The following PANK4 variants were observed in gnomAD, a reference collection of about 807,000 sequenced individuals.
PANK4 encodes the protein pantothenate kinase 4 (inactive).
A neutral mutation model predicts 87.9 loss-of-function variants in PANK4; 40 were observed. The observed-to-expected ratio is 0.46, with a 90% CI of 0.35 to 0.59. The LOEUF is 0.59. Ranked by LOEUF, PANK4 falls within the 20% of genes least tolerant of loss-of-function variation. The pLI, the probability that PANK4 is intolerant of heterozygous loss-of-function variation, is 0.00. For synonymous variants in PANK4, 524 were observed against 467.4 expected, an observed-to-expected ratio of 1.12 and a Z score of -1.56; for missense variants, 926 against 1,072.3, an observed-to-expected ratio of 0.86 and a Z score of 1.90.
rs1328738798 is a variant in PANK4 at position 2,519,701 on chromosome 1, G to T, written c.853+100C>A. 35 of 1,247,948 alleles carry T rather than the reference G, an allele frequency of 2.8e-5. No homozygotes were observed. The highest frequency in any genetic ancestry group is 3.8e-5 in the Non-Finnish European group (35 of 916,540). 77.3% of individuals were successfully genotyped at this position (1,247,948 alleles called of 1,614,324 possible). A position where few individuals can be genotyped will look rare whatever the true frequency, so the allele number is the denominator to read the frequency against. Reference sequence around the variant, plus strand: ...ACACCCAAGACCCCGACTCTCCAGGGAGCAGTTGTGGGAAAGCAATGGTGG... The same window carrying T: ...ACACCCAAGACCCCGACTCTCCAGGTAGCAGTTGTGGGAAAGCAATGGTGG... On this transcript the variant is annotated intron_variant, in intron 6 of 18. Transcript: ENST00000378466. This position sits in a 1 kb window ranked among gnomAD's most constrained non-coding sequence, Gnocchi z 8.3.
In PANK4 at chr1:2,508,612, T is replaced by A. The variant is rs201823690; in HGVS notation, c.*235A>T. ...GACATACCTGTATAGATCTCTCTAT[T>A]TATATATATATATATATAAAAGGTT... On this transcript the variant is annotated 3_prime_UTR_variant, in exon 19 of 19. Transcript: ENST00000378466. The surrounding 1 kb of genome is among the most constrained non-coding windows in gnomAD (Gnocchi z 5.1). 7 of 230,930 alleles carry A rather than the reference T, an allele frequency of 3.0e-5. No homozygotes were observed. The highest frequency in any genetic ancestry group is 4.8e-5 in the Non-Finnish European group (6 of 126,290). 14.3% of individuals were successfully genotyped at this position (230,930 alleles called of 1,614,324 possible).
At chr1:2,523,568 A>G (rs1022993348) in intron 1 of PANK4, among the ~76,000 whole-genome samples, 33 of 150,680 alleles carry the variant, frequency 2.2e-4, no homozygotes, top group Non-Finnish European at 3.1e-4. Flanking sequence ...CCCAAACAGG[A>G]TGTACTGGGG....
chr1:2,509,909 CCT>C lies in PANK4; in HGVS notation c.2059_2060del (p.Arg687AlafsTer20). The C allele has an allele frequency of 6.2e-7, 1 of 1,612,416 alleles. No individual in the cohort carries two copies. The highest frequency in any genetic ancestry group is 8.5e-7 in the Non-Finnish European group (1 of 1,179,844). On this transcript the variant is annotated frameshift_variant, in exon 18 of 19. Coordinates refer to ENST00000378466, the MANE Select transcript of PANK4 (RefSeq NM_018216.4). LOFTEE classifies it high-confidence loss of function. This position sits in a 1 kb window ranked among gnomAD's most constrained non-coding sequence, Gnocchi z 4.9. The stretch of plus-strand genomic sequence containing the variant: ...TGGAGCCCGTCTGCACCAGCAGCAG[CCT>C]CTCTTCCTGGAGCGCAGAGCTGCCA... ...PVVHSALQEERLLLVQTGSSS... is the reference protein window; with the variant it reads ...PVVHSALQEEXLLLVQTGSSS...
At position 2,515,392 on chromosome 1, in the gene PANK4, G is replaced by C. The variant is rs1410781451; in HGVS notation, c.1374+170C>G. The C allele has an allele frequency of 2.7e-6, 2 of 745,732 alleles. No individual in the cohort carries two copies. The highest frequency in any genetic ancestry group is 4.7e-6 in the Non-Finnish European group (2 of 424,416). 46.2% of individuals were successfully genotyped at this position (745,732 alleles called of 1,614,324 possible). On this transcript the variant is annotated intron_variant, in intron 10 of 18. Coordinates refer to ENST00000378466, the MANE Select transcript of PANK4 (RefSeq NM_018216.4). The surrounding 1 kb of genome is among the most constrained non-coding windows in gnomAD (Gnocchi z 5.0). ...CTGACCCACCAGGTGGCCAGGAGCG[G>C]TATTTTTGCCTGAGAAACCAAAATC...
At position 2,521,773 on chromosome 1, in the gene PANK4, T is replaced by G. The variant is rs1324592558; in HGVS notation, c.152A>C (p.Tyr51Ser). Reference sequence around the variant, plus strand: ...GGCGACTTTGTGCTGTACCGTTGAATAGTAGGCCAGCTTGGTTAACGACCC... The same window carrying G: ...GGCGACTTTGTGCTGTACCGTTGAAGAGTAGGCCAGCTTGGTTAACGACCC... Reference protein sequence around the residue: ...IGGSLTKLAYYSTVQHKVAKV... With the variant: ...IGGSLTKLAYSSTVQHKVAKV... Residue 51 changes from tyrosine (Y) to serine (S), a missense_variant, in exon 2 of 19, where the codon TAT becomes TCT. Physicochemically the swap from Tyr to Ser is moderately radical, Grantham distance 144 (BLOSUM62 -2). Transcript: ENST00000378466. The G allele has an allele frequency of 6.2e-7, 1 of 1,613,958 alleles. No individual in the cohort carries two copies. Among genetic ancestry groups the G allele is most frequent in the Non-Finnish European group, 8.5e-7 (1 of 1,179,964 alleles).
chr1:2,522,848 C>T (rs1461270710), intron 1 of PANK4, among the ~76,000 whole-genome samples: 2 of 147,580 alleles, frequency 1.4e-5, no homozygotes, highest in African/African-American at 2.5e-5. Context: ...CGGAGGGGAC[C>T]GTGTGGTGCT....
Position 2,510,031 on chromosome 1 carries a change from CCCCAGCACTGCCCG to C in PANK4, c.2039+12_2039+25del, listed in dbSNP as rs1643633729. The C allele has an allele frequency of 6.3e-7, 1 of 1,588,884 alleles. No homozygotes were observed. The highest frequency in any genetic ancestry group is 2.3e-5 in the East Asian group (1 of 44,074). On this transcript the variant is annotated intron_variant, in intron 17 of 18. Transcript: ENST00000378466. This position sits in a 1 kb window ranked among gnomAD's most constrained non-coding sequence, Gnocchi z 4.9. ...CTGGTGCCCCTCCCCATCAAGGCCC[CCCCAGCACTGCCCG>C]CCAACACTCACTGCACGACAGGGTC...
intron 13 of PANK4, 43 bp from the exon 14 acceptor site, chr1:2,511,726 A>G: frequency 7.9e-7 from 1 of 1,261,334 alleles, no homozygotes; most frequent in Non-Finnish European, 1.2e-6. Flanking sequence ...AACAGAACAA[A>G]AACCTTCAGC....
At chr1:2,516,699 C>T (rs1251741621) in intron 9 of PANK4, among the ~76,000 whole-genome samples, 2 of 152,192 alleles carry the variant, frequency 1.3e-5, no homozygotes, top group African/African-American at 2.4e-5. Flanking sequence ...AAGCCCATGC[C>T]GGGCAGAAGC....
intron 1 of PANK4, among the ~76,000 whole-genome samples, chr1:2,523,504 C>T (rs1163334185): frequency 6.6e-6 from 1 of 152,224 alleles, no homozygotes; most frequent in Non-Finnish European, 1.5e-5. Context: ...TAAACAAACT[C>T]TCAGGTCACA....
chr1:2,517,267 G>A (rs1426234368), intron 9 of PANK4, among the ~76,000 whole-genome samples: 1 of 152,228 alleles, frequency 6.6e-6, no homozygotes, highest in Non-Finnish European at 1.5e-5. Context: ...GTGCGAGGCC[G>A]TGGCCTGGTG....
intron 12 of PANK4, 98 bp from the exon 13 acceptor site, chr1:2,513,137 G>A (rs1322024520): frequency 2.6e-5 from 35 of 1,359,828 alleles, no homozygotes; most frequent in African/African-American, 4.4e-5. Context: ...ACGCCCCTCA[G>A]GATCGAAGAC....
rs1281640738 is a variant in PANK4, at chr1:2,515,327, G to A, written c.1374+235C>T. ...GTGCTAGCTAGCAGAACTATCAGCT[G>A]CCCTTAGAAGCAACGTGCCTCGCAG... is the stretch of plus-strand genomic sequence containing the variant. On this transcript the variant is annotated intron_variant, in intron 10 of 18. Transcript: ENST00000378466. This position sits in a 1 kb window ranked among gnomAD's most constrained non-coding sequence, Gnocchi z 5.0. The A allele has an allele frequency of 1.4e-6, 1 of 694,844 alleles. No homozygotes were observed. The highest frequency in any genetic ancestry group is 2.7e-5 in the East Asian group (1 of 36,650). The allele number at this position is 694,844 out of a possible 1,614,324, so 43.0% of individuals were successfully genotyped here. A position where few individuals can be genotyped will look rare whatever the true frequency, so the allele number is the denominator to read the frequency against.
chr1:2,526,556 C>T lies in PANK4; in HGVS notation c.32G>A (p.Ser11Asn). 6.2e-7 allele frequency: 1 copy of T among 1,602,880 alleles called. No homozygotes were observed. Among genetic ancestry groups the T allele is most frequent in the Non-Finnish European group, 8.5e-7 (1 of 1,175,312 alleles). ...GCTCTTGTCCAGACTGTCCCCGCTG[C>T]TCCCGCTGCCGCTCGCTCCACACTC... MAECGASGSG[S>N]SGDSLDKSIT... Residue 11 changes from serine (S) to asparagine (N), a missense_variant, in exon 1 of 19, where the codon AGC (serine) becomes AAC (asparagine). Ser to Asn is a conservative substitution (Grantham distance 46, BLOSUM62 1). Transcript: ENST00000378466.
rs1643747966 is a variant in PANK4, at chr1:2,515,313, C to G, written c.1374+249G>C. The G allele has an allele frequency of 1.5e-6, 1 of 687,994 alleles. No individual in the cohort carries two copies. Among genetic ancestry groups the G allele is most frequent in the Non-Finnish European group, 2.7e-6 (1 of 376,096 alleles). The allele number at this position is 687,994 out of a possible 1,614,324, so 42.6% of individuals were successfully genotyped here. A position where few individuals can be genotyped will look rare whatever the true frequency, so the allele number is the denominator to read the frequency against. On this transcript the variant is annotated intron_variant, in intron 10 of 18. Transcript: ENST00000378466. This position sits in a 1 kb window ranked among gnomAD's most constrained non-coding sequence, Gnocchi z 5.0. ...CTTTTTGAAGGAATGTGCTAGCTAG[C>G]AGAACTATCAGCTGCCCTTAGAAGC...
At position 2,510,764 on chromosome 1, in the gene PANK4, C is replaced by T; in HGVS notation, c.1852G>A (p.Ala618Thr). The change falls in exon 16 of 19, where the codon GCC becomes ACC. Residue 618 changes from alanine (A) to threonine (T), a missense_variant. Physicochemically the swap from Ala to Thr is moderately conservative, Grantham distance 58. Transcript: ENST00000378466. This position sits in a 1 kb window ranked among gnomAD's most constrained non-coding sequence, Gnocchi z 4.9. Reference sequence around the variant, plus strand: ...CCACTGTTATCTGCGAAAATTAAGGCACATTTATGAGGGGGCCCCTGTAAG... The same window carrying T: ...CCACTGTTATCTGCGAAAATTAAGGTACATTTATGAGGGGGCCCCTGTAAG... ...QRLKGPPHKC[A>T]LIFADNSGID... 1 of 1,611,646 alleles carries T rather than the reference C, an allele frequency of 6.2e-7. No homozygotes were observed. Among genetic ancestry groups the T allele is most frequent in the Non-Finnish European group, 8.5e-7 (1 of 1,178,438 alleles).
chr1:2,511,516 T>C (rs1643661560), intron 14 of PANK4, 112 bp downstream of exon 14: 2 of 1,073,906 alleles, frequency 1.9e-6, no homozygotes, highest in Admixed American at 1.7e-5. Context: ...TGACAGAGCC[T>C]TGAGCAGGGG....
rs1269232518 is a variant in PANK4 at position 2,518,617 on chromosome 1, C to T, written c.1036-20G>A. 1.0e-5 allele frequency: 16 copies of T among 1,554,458 alleles called. No individual in the cohort carries two copies. The highest frequency in any genetic ancestry group is 9.5e-5 in the African/African-American group (7 of 73,346). On this transcript the variant is annotated intron_variant, in intron 7 of 18. Transcript: ENST00000378466. ...TTCCCCCTGCCGTGGCCAAAGCACA[C>T]GTGCTGCTGTTGGCCCCACACAACA...
chr1:2,510,097 T>C lies in PANK4; in HGVS notation c.1999A>G (p.Ile667Val). The C allele has an allele frequency of 1.2e-6, 2 of 1,611,412 alleles. No homozygotes were observed. The highest frequency in any genetic ancestry group is 1.7e-6 in the Non-Finnish European group (2 of 1,179,266). Reference sequence around the variant, plus strand: ...ATGCCCGCAATACGCTCTGCCACGATGAGGGACTCGCTGTGGGTCACGTCG... The same window carrying C: ...ATGCCCGCAATACGCTCTGCCACGACGAGGGACTCGCTGTGGGTCACGTCG... ...LNDVTHSESL[I>V]VAERIAGMDP... is the part of the protein sequence containing the mutation. Residue 667 changes from isoleucine to valine, a missense_variant, in exon 17 of 19, where the codon ATC becomes GTC. Coordinates refer to ENST00000378466, the MANE Select transcript of PANK4 (RefSeq NM_018216.4). This position sits in a 1 kb window ranked among gnomAD's most constrained non-coding sequence, Gnocchi z 4.9.
Sources: gnomAD v4.1 joint callset for allele counts (sites outside exome capture counted in the v4.1 genomes callset) on GRCh38, gnomAD v4.1.1 for gene constraint, Gnocchi (gnomAD v3.1) non-coding constraint, MANE v1.5 for transcripts, NCBI Gene and HGNC (gene_info 2026-07-23, HGNC 2026-07-21) for gene names.